TEK: variants seen among roughly 807,000 people sequenced by gnomAD.
TEK encodes angiopoietin-1 receptor.
A neutral mutation model predicts 131.8 loss-of-function variants in TEK; 43 were observed. That is an observed-to-expected ratio of 0.33 (90% confidence interval 0.26 to 0.42). The LOEUF is 0.42. TEK is among the 10% of genes least tolerant of loss of function. TEK has a pLI of 1.00. For synonymous variants in TEK, 580 were observed against 491.6 expected (o/e 1.18, Z -2.38); for missense variants, 1,162 against 1,384.4 (o/e 0.84, Z 2.55).
chr9:27,137,667 G>A (rs1442170623), intron 1 of TEK, among the ~76,000 whole-genome samples: 1 of 125,818 alleles, frequency 7.9e-6, no homozygotes, highest in African/African-American at 3.1e-5. Context: ...TATGATTAAA[G>A]CATCTTCTTA....
intron 1 of TEK, among the ~76,000 whole-genome samples, chr9:27,138,089 C>G (rs1347492728): frequency 6.6e-6 from 1 of 152,210 alleles, no homozygotes; most frequent in Non-Finnish European, 1.5e-5. Context: ...GGTTCGTGGT[C>G]TCACTGACCT....
In TEK at chr9:27,158,024, G is replaced by A; in HGVS notation, c.246G>A (p.Trp82Ter). The change falls in exon 2 of 23, where the codon TGG becomes TGA. Residue 82 changes from tryptophan to a stop codon, truncating the protein, a stop_gained. Transcript: ENST00000380036. LOFTEE classifies it high-confidence loss of function. ...LEVTQDVTREWAKKVVWKREK... is the reference protein window; with the variant it reads ...LEVTQDVTRE Reference sequence around the variant, plus strand: ...TTACTCAAGATGTGACCAGAGAATGGGCTAAAAAAGTTGTTTGGAAGAGAG... The same window carrying A: ...TTACTCAAGATGTGACCAGAGAATGAGCTAAAAAAGTTGTTTGGAAGAGAG... 1 of 1,614,030 alleles carries A rather than the reference G, an allele frequency of 6.2e-7. No individual in the cohort carries two copies. Among genetic ancestry groups the A allele is most frequent in the Non-Finnish European group, 8.5e-7 (1 of 1,179,990 alleles).
intron 9 of TEK, among the ~76,000 whole-genome samples, chr9:27,190,301 T>A (rs1824763937): frequency 6.6e-6 from 1 of 152,056 alleles, no homozygotes; most frequent in African/African-American, 2.4e-5. Flanking sequence ...CATTGAAGGG[T>A]CTTGAGCAAA....
intron 5 of TEK, 74 bp from the exon 6 acceptor site, chr9:27,173,148 A>T: frequency 6.3e-7 from 1 of 1,582,386 alleles, no homozygotes; most frequent in Non-Finnish European, 8.7e-7. Context: ...ACTAGGAGAA[A>T]TGAATCTAAA....
intron 18 of TEK, among the ~76,000 whole-genome samples, chr9:27,217,254 C>G (rs1213734970): frequency 2.0e-5 from 3 of 152,184 alleles, no homozygotes; most frequent in Non-Finnish European, 2.9e-5. Context: ...ATATCCCGTC[C>G]TCTGGAGAAT....
At chr9:27,188,896 C>A (rs2184440) in intron 9 of TEK, among the ~76,000 whole-genome samples, 45,000 of 151,862 alleles carry the variant, frequency 0.3, 6,826 homozygotes, top group African/African-American at 0.35. Flanking sequence ...AAAATTAAAG[C>A]AGAAATGGGG....
chr9:27,123,818 C>G (rs191994142), intron 1 of TEK, among the ~76,000 whole-genome samples: 98 of 108,692 alleles, frequency 9.0e-4, no homozygotes, highest in African/African-American at 2.8e-3. Context: ...ACTGTGTCAC[C>G]CAGGCAAAAG....
In TEK at chr9:27,121,747, G is replaced by A. The variant is rs117205553; in HGVS notation, c.52+12105G>A. The stretch of plus-strand genomic sequence containing the variant: ...ATTGCACAGGTGATATGTAGACTCA[G>A]TAAGAATCACAAAAGTGATCCATGA... On this transcript the variant is annotated intron_variant, in intron 1 of 22. Transcript: ENST00000380036. Among the ~76,000 whole-genome samples, 36 of 152,222 alleles carry A rather than the reference G, an allele frequency of 2.4e-4. 1 individual carries two copies. In the East Asian group the frequency reaches 5.6e-3, roughly 24 times the overall value.
intron 1 of TEK, among the ~76,000 whole-genome samples, chr9:27,116,902 C>G (rs1415585854): frequency 2.0e-5 from 3 of 150,354 alleles, no homozygotes; most frequent in Admixed American, 1.3e-4. Context: ...CGCTCAGTCC[C>G]CCAGGCTGGA....
intron 9 of TEK, among the ~76,000 whole-genome samples, chr9:27,187,842 T>C (rs182797923): frequency 8.3e-4 from 127 of 152,208 alleles, no homozygotes; most frequent in Non-Finnish European, 4.6e-4. Flanking sequence ...TGTCCTAATT[T>C]AATCCTCTTA....
At chr9:27,185,184 A>G (rs559751516) in intron 8 of TEK, among the ~76,000 whole-genome samples, 58 of 152,256 alleles carry the variant, frequency 3.8e-4, no homozygotes, top group African/African-American at 1.3e-3. Context: ...AAAGGAACAA[A>G]TCTTATGAGG....
In TEK at chr9:27,229,550, T is replaced by C. The variant is rs1826480497; in HGVS notation, c.*318T>C. On this transcript the variant is annotated 3_prime_UTR_variant, in exon 23 of 23. Transcript: ENST00000380036. Reference sequence around the variant, plus strand: ...TACAATTAGTATAATGCATAACTCATTGTTGTCCTAGATATTTTGATATTT... The same window carrying C: ...TACAATTAGTATAATGCATAACTCACTGTTGTCCTAGATATTTTGATATTT... The C allele has an allele frequency of 5.6e-6, 2 of 358,676 alleles. No individual in the cohort carries two copies. Among genetic ancestry groups the C allele is most frequent in the Admixed American group, 4.1e-5 (1 of 24,688 alleles). 22.2% of individuals were successfully genotyped at this position (358,676 alleles called of 1,614,324 possible).
chr9:27,133,448 G>T (rs1163668575), intron 1 of TEK, among the ~76,000 whole-genome samples: 1 of 152,188 alleles, frequency 6.6e-6, no homozygotes, highest in African/African-American at 2.4e-5. Context: ...TTTGAGTCAG[G>T]TGAAGCCTAC....
In TEK at chr9:27,229,517, G is replaced by C. The variant is rs1231642877; in HGVS notation, c.*285G>C. ...TTTAAAAATGTGGACTTCATAGGAA[G>C]GCGTGAGTACAATTAGTATAATGCA... is the stretch of plus-strand genomic sequence containing the variant. On this transcript the variant is annotated 3_prime_UTR_variant, in exon 23 of 23. Transcript: ENST00000380036. 2 of 452,062 alleles carry C rather than the reference G, an allele frequency of 4.4e-6. No individual in the cohort carries two copies. Among genetic ancestry groups the C allele is most frequent in the Non-Finnish European group, 8.1e-6 (2 of 246,502 alleles). The allele number at this position is 452,062 out of a possible 1,614,324, so 28.0% of individuals were successfully genotyped here.
chr9:27,229,519 C>T lies in TEK; in HGVS notation c.*287C>T, dbSNP rs562001960. The T allele has an allele frequency of 3.4e-4, 148 of 440,600 alleles. 2 individuals carry two copies. Among genetic ancestry groups the T allele is most frequent in the Middle Eastern group, 3.2e-3 (5 of 1,570 alleles). The allele number at this position is 440,600 out of a possible 1,614,324, so 27.3% of individuals were successfully genotyped here. On this transcript the variant is annotated 3_prime_UTR_variant, in exon 23 of 23. Transcript: ENST00000380036. ...TAAAAATGTGGACTTCATAGGAAGG[C>T]GTGAGTACAATTAGTATAATGCATA...
At chr9:27,218,883 C>G in intron 20 of TEK, 66 bp downstream of exon 20, 2 of 1,448,214 alleles carry the variant, frequency 1.4e-6, no homozygotes, top group East Asian at 2.3e-5. Flanking sequence ...TCTAGCACTC[C>G]CTTGCTGCAT....
At chr9:27,111,322 T>C (rs1194677878) in intron 1 of TEK, among the ~76,000 whole-genome samples, 1 of 152,186 alleles carries the variant, frequency 6.6e-6, no homozygotes, top group Non-Finnish European at 1.5e-5. Context: ...GTAGCTTGCA[T>C]TCCTAGTCTA....
At position 27,204,705 on chromosome 9, in the gene TEK, T is replaced by A. The variant is rs555175734; in HGVS notation, c.2210-206T>A. Among the ~76,000 whole-genome samples the A allele has an allele frequency of 9.9e-5, 15 of 151,546 alleles. No homozygotes were observed. In the East Asian group the frequency reaches 1.7e-3, roughly 18 times the overall value. On this transcript the variant is annotated intron_variant, in intron 13 of 22. Coordinates refer to ENST00000380036, the MANE Select transcript of TEK (RefSeq NM_000459.5). ...AGCACTTTTGCATGTTTTTTTTTTT[T>A]TTAATCTTATTACAACCCTGTGAGT...
chr9:27,153,931 T>C (rs1267243219), intron 1 of TEK, among the ~76,000 whole-genome samples: 1 of 152,232 alleles, frequency 6.6e-6, no homozygotes, highest in South Asian at 2.1e-4. Flanking sequence ...CTACTTTTTT[T>C]TTCAGCATTA....
Sources: allele counts gnomAD v4.1 joint callset (sites outside exome capture counted in the v4.1 genomes callset), GRCh38; gene constraint gnomAD v4.1.1; transcripts MANE v1.5; gene names NCBI Gene and HGNC (gene_info 2026-07-23, HGNC 2026-07-21).